ADAM18: variants seen among roughly 807,000 people sequenced by gnomAD.
The protein encoded by ADAM18 is ADAM metallopeptidase domain 18.
Under a neutral mutation model 94.4 loss-of-function variants are expected in ADAM18, and 117 were observed. The ratio of observed to expected loss-of-function variants is 1.24; its 90% CI spans 1.07 to 1.45. The LOEUF is 1.45. ADAM18 is among the 40% of genes most tolerant of loss of function. The pLI is 0.00. For missense variants in ADAM18, 936 were observed against 880.0 expected (o/e 1.06, Z -0.81); for synonymous variants, 327 against 291.6 (o/e 1.12, Z -1.24).
chr8:39,685,695 T>C (rs1487311425), intron 16 of ADAM18, among the ~76,000 whole-genome samples: 3 of 152,214 alleles, frequency 2.0e-5, no homozygotes, highest in African/African-American at 4.8e-5. Flanking sequence ...AATTTTTTAG[T>C]TCTGCTTTCC....
intron 17 of ADAM18, among the ~76,000 whole-genome samples, chr8:39,696,924 A>C (rs1401795440): frequency 6.6e-6 from 1 of 151,658 alleles, no homozygotes; most frequent in East Asian, 1.9e-4. Flanking sequence ...AATTTTGATC[A>C]AGATTGTTAT....
At chr8:39,631,597 T>C (rs991049009) in intron 7 of ADAM18, among the ~76,000 whole-genome samples, 1 of 152,062 alleles carries the variant, frequency 6.6e-6, no homozygotes, top group Non-Finnish European at 1.5e-5. Flanking sequence ...TTTATTGTTA[T>C]ATAATTTATT....
intron 18 of ADAM18, among the ~76,000 whole-genome samples, chr8:39,713,531 A>G (rs1311228451): frequency 6.6e-6 from 1 of 152,184 alleles, no homozygotes; most frequent in Non-Finnish European, 1.5e-5. Flanking sequence ...AAATTTTTGC[A>G]GTCTACCCTT....
chr8:39,702,355 G>A (rs532410596), intron 17 of ADAM18, among the ~76,000 whole-genome samples: 5 of 151,370 alleles, frequency 3.3e-5, no homozygotes, highest in East Asian at 1.9e-4. Flanking sequence ...TCTTCTTCTT[G>A]TAAATTTAAG....
At chr8:39,729,827 T>TTTA in intron 19 of ADAM18, 71 bp from the exon 20 acceptor site, 1 of 1,296,704 alleles carries the variant, frequency 7.7e-7, no homozygotes, top group Non-Finnish European at 1.1e-6. Flanking sequence ...GTAAATATGG[T>TTTA]TTAAAATAGG....
chr8:39,668,241 T>C, intron 14 of ADAM18, 45 bp downstream of exon 14: 2 of 1,572,692 alleles, frequency 1.3e-6, no homozygotes, highest in Non-Finnish European at 1.7e-6. Context: ...CATTTGCATC[T>C]CTCTGTAGAG....
intron 6 of ADAM18, among the ~76,000 whole-genome samples, chr8:39,627,901 C>T (rs571397941): frequency 5.3e-5 from 8 of 152,112 alleles, no homozygotes; most frequent in African/African-American, 1.7e-4. Context: ...TCTTCTAGGG[C>T]TGATCTAGTA....
At chr8:39,632,615 TC>T (rs1012986628) in intron 7 of ADAM18, among the ~76,000 whole-genome samples, 38 of 152,272 alleles carry the variant, frequency 2.5e-4, no homozygotes, top group African/African-American at 8.2e-4. Context: ...TATGCTATAT[TC>T]CTTTCTTATA....
At chr8:39,595,912 A>C (rs1156880130) in intron 2 of ADAM18, among the ~76,000 whole-genome samples, 1 of 152,114 alleles carries the variant, frequency 6.6e-6, no homozygotes, top group East Asian at 1.9e-4. Flanking sequence ...TTATTTTTCA[A>C]TTATATTCCC....
At chr8:39,641,270 C>T (rs1029846915) in intron 10 of ADAM18, among the ~76,000 whole-genome samples, 4 of 151,992 alleles carry the variant, frequency 2.6e-5, no homozygotes, top group African/African-American at 9.7e-5. Context: ...AATCCTTTCC[C>T]CACTGCTTGT....
At chr8:39,688,324 A>G (rs1053345575) in intron 16 of ADAM18, among the ~76,000 whole-genome samples, 1 of 152,104 alleles carries the variant, frequency 6.6e-6, no homozygotes, top group Admixed American at 6.6e-5. Context: ...AGATTATTTC[A>G]TCACCCAGGT....
chr8:39,699,160 G>GGA (rs1218520143), intron 17 of ADAM18, among the ~76,000 whole-genome samples: 1 of 151,954 alleles, frequency 6.6e-6, no homozygotes, highest in Non-Finnish European at 1.5e-5. Flanking sequence ...TTTGAAAAGA[G>GGA]GACAATCATT....
At chr8:39,676,038 C>A (rs765364299) in intron 14 of ADAM18, among the ~76,000 whole-genome samples, 2 of 152,142 alleles carry the variant, frequency 1.3e-5, no homozygotes, top group African/African-American at 4.8e-5. Flanking sequence ...GAGGGGCAGC[C>A]GCCTATATGA....
chr8:39,668,119 G>A lies in ADAM18; in HGVS notation c.1448G>A (p.Cys483Tyr). ...ACTTATGCATTGAATGGCCGTTTGTGCAAGTTGGGAACTGCCTATTGCTAT... is the reference window on the plus strand; with the variant it reads ...ACTTATGCATTGAATGGCCGTTTGTACAAGTTGGGAACTGCCTATTGCTAT... ...PDTYALNGRL[C>Y]KLGTAYCYNG... is the part of the protein sequence containing the mutation. The change falls in exon 14 of 20, where the codon TGC becomes TAC. Residue 483 changes from cysteine (C) to tyrosine (Y), a missense_variant. Physicochemically the swap from Cys to Tyr is radical, Grantham distance 194. Coordinates refer to ENST00000265707, the MANE Select transcript of ADAM18 (RefSeq NM_014237.3). 4 of 1,614,110 alleles carry A rather than the reference G, an allele frequency of 2.5e-6. No homozygotes were observed. The highest frequency in any genetic ancestry group is 2.5e-6 in the Non-Finnish European group (3 of 1,180,002).
chr8:39,654,326 T>A (rs1246275591), intron 12 of ADAM18, among the ~76,000 whole-genome samples: 2 of 151,386 alleles, frequency 1.3e-5, no homozygotes, highest in Admixed American at 6.6e-5. Context: ...CGCCTTGGCC[T>A]CCCAAAGTGC....
At chr8:39,664,817 G>A (rs1490548945) in intron 13 of ADAM18, among the ~76,000 whole-genome samples, 1 of 152,088 alleles carries the variant, frequency 6.6e-6, no homozygotes, top group African/African-American at 2.4e-5. Flanking sequence ...CAGTAATATA[G>A]TATTATGTCC....
chr8:39,631,885 A>G (rs934646039), intron 7 of ADAM18, among the ~76,000 whole-genome samples: 11 of 151,872 alleles, frequency 7.2e-5, no homozygotes, highest in African/African-American at 2.7e-4. Context: ...CATCTTTGTT[A>G]GTTTTATTGT....
chr8:39,649,573 GGT>G (rs1190566231), intron 12 of ADAM18, among the ~76,000 whole-genome samples: 5 of 152,038 alleles, frequency 3.3e-5, no homozygotes, highest in Non-Finnish European at 7.4e-5. Context: ...TCACATTTTG[GGT>G]TTCTACAACT....
intron 6 of ADAM18, among the ~76,000 whole-genome samples, chr8:39,624,323 G>A (rs889639295): frequency 6.6e-6 from 1 of 152,146 alleles, no homozygotes; most frequent in African/African-American, 2.4e-5. Context: ...GTTGATTTTT[G>A]TATATGGTGA....
Sources: allele counts gnomAD v4.1 joint callset (sites outside exome capture counted in the v4.1 genomes callset), GRCh38; gene constraint gnomAD v4.1.1; transcripts MANE v1.5; gene names NCBI Gene and HGNC (gene_info 2026-07-23, HGNC 2026-07-21).